GPBP1: variants seen among roughly 807,000 people sequenced by gnomAD.
The protein encoded by GPBP1 is vasculin.
Under a neutral mutation model 56.5 loss-of-function variants are expected in GPBP1, and 13 were observed. The observed-to-expected ratio is 0.23, with a 90% CI of 0.15 to 0.37. The LOEUF (loss-of-function observed/expected upper bound fraction) is 0.37, where lower values mean the gene tolerates loss of function less well. Among genes scored for constraint, GPBP1 ranks in the 10% least tolerant of loss-of-function variants. GPBP1 has a pLI of 1.00. For synonymous variants in GPBP1, 204 were observed against 188.9 expected (o/e 1.08, Z -0.66); for missense variants, 477 against 572.3 (o/e 0.83, Z 1.70).
intron 3 of GPBP1, among the ~76,000 whole-genome samples, chr5:57,219,477 A>T (rs1755859078): frequency 6.6e-6 from 1 of 151,772 alleles, no homozygotes; most frequent in South Asian, 2.1e-4. Context: ...ATTTAAAAAA[A>T]AAGGTACTTG....
At position 57,246,400 on chromosome 5, in the gene GPBP1, T is replaced by A. The variant is rs774882628; in HGVS notation, c.579T>A (p.Asn193Lys). The A allele has an allele frequency of 6.8e-6, 11 of 1,613,872 alleles. No individual in the cohort carries two copies. Among genetic ancestry groups the A allele is most frequent in the Non-Finnish European group, 9.3e-6 (11 of 1,179,902 alleles). The change falls in exon 7 of 12, where the codon AAT becomes AAA. Residue 193 changes from asparagine (N) to lysine (K), a missense_variant. Asn to Lys is a moderately conservative substitution (Grantham distance 94, BLOSUM62 0). Coordinates refer to ENST00000506184, the MANE Select transcript of GPBP1 (RefSeq NM_022913.4). ...TATCTGGATTCCCAGTAGTAGGAAA[T>A]CTTCCGTCACAGCCAGTTAAGAATG... ...LQLSGFPVVG[N>K]LPSQPVKNGT...
chr5:57,196,089 A>T (rs1048904619), intron 2 of GPBP1, among the ~76,000 whole-genome samples: 1 of 149,766 alleles, frequency 6.7e-6, no homozygotes, highest in Non-Finnish European at 1.5e-5. Flanking sequence ...TTCCTTTTCC[A>T]TATGATGGTT....
intron 3 of GPBP1, among the ~76,000 whole-genome samples, chr5:57,224,497 C>T (rs1756094346): frequency 6.6e-6 from 1 of 152,136 alleles, no homozygotes; most frequent in Non-Finnish European, 1.5e-5. Context: ...CCTGCCTCAG[C>T]CTCCCAAAGT....
intron 2 of GPBP1, among the ~76,000 whole-genome samples, chr5:57,182,006 G>C (rs1300225636): frequency 6.7e-6 from 1 of 148,282 alleles, no homozygotes; most frequent in African/African-American, 2.6e-5. Context: ...ATGTCATTTA[G>C]TTTCTTGGTC....
At chr5:57,243,693 T>C (rs1320869270) in intron 6 of GPBP1, among the ~76,000 whole-genome samples, 2 of 150,788 alleles carry the variant, frequency 1.3e-5, no homozygotes, top group Non-Finnish European at 2.9e-5. Flanking sequence ...TTCTGCTTCC[T>C]TGTTTTTGTT....
At chr5:57,242,088 A>C (rs540562608) in intron 6 of GPBP1, among the ~76,000 whole-genome samples, 96 of 152,306 alleles carry the variant, frequency 6.3e-4, no homozygotes, top group Non-Finnish European at 1.1e-3. Flanking sequence ...GTTTATGTCG[A>C]TTATTCAGAG....
chr5:57,181,005 A>G (rs1331869198), intron 2 of GPBP1, among the ~76,000 whole-genome samples: 1 of 152,220 alleles, frequency 6.6e-6, no homozygotes, highest in East Asian at 1.9e-4. Context: ...ACAAATTTAA[A>G]TATGGCTTTA....
chr5:57,232,094 T>A (rs1470736456), intron 5 of GPBP1, among the ~76,000 whole-genome samples: 1 of 152,110 alleles, frequency 6.6e-6, no homozygotes, highest in Non-Finnish European at 1.5e-5. Context: ...TCACTGCATC[T>A]TCAAACTTCT....
rs1304021937 is a variant in GPBP1 at position 57,236,017 on chromosome 5, G to A, written c.463G>A (p.Ala155Thr). 3 of 1,609,320 alleles carry A rather than the reference G, an allele frequency of 1.9e-6. No homozygotes were observed. The change falls in exon 6 of 12, where the codon GCT (alanine) becomes ACT (threonine). Residue 155 changes from alanine to threonine, a missense_variant. Physicochemically the swap from Ala to Thr is moderately conservative, Grantham distance 58 (BLOSUM62 0). Around this residue, in one of 2 missense-constraint regions of GPBP1, gnomAD observed 414 missense variants for 458.2 expected, o/e 0.90. Coordinates refer to ENST00000506184, the MANE Select transcript of GPBP1 (RefSeq NM_022913.4). ...EREPNHNKSL[A>T]AGVWEYPPNP... ...AGAACCAAATCACAATAAGTCTTTA[G>A]CTGCAGGTGTGTGGGGTAAGTAATT...
At chr5:57,199,341 A>T (rs1483743755) in intron 2 of GPBP1, among the ~76,000 whole-genome samples, 3 of 152,136 alleles carry the variant, frequency 2.0e-5, no homozygotes, top group Admixed American at 6.6e-5. Context: ...GGGACTAGAC[A>T]TTGGGATATA....
Position 57,175,347 on chromosome 5 carries a change from GA to G in GPBP1, c.-1010-99del, listed in dbSNP as rs1029100503. ...TTCCAGGCTCCTGTAGGGTTATATA[GA>G]AGTGATTTTCTCTCCAGAGGTTGAC... On this transcript the variant is annotated intron_variant, in intron 1 of 11. Transcript: ENST00000506184. 16 of 389,010 alleles carry G rather than the reference GA, an allele frequency of 4.1e-5. No individual in the cohort carries two copies. In the Admixed American group the frequency reaches 4.9e-4, roughly 12 times the overall value. The allele number at this position is 389,010 out of a possible 1,614,324, so 24.1% of individuals were successfully genotyped here.
In GPBP1 at chr5:57,214,101, G is replaced by A; in HGVS notation, c.-30G>A. The A allele has an allele frequency of 6.2e-7, 1 of 1,605,736 alleles. No individual in the cohort carries two copies. The highest frequency in any genetic ancestry group is 8.5e-7 in the Non-Finnish European group (1 of 1,172,388). On this transcript the variant is annotated 5_prime_UTR_variant, in exon 3 of 12. Transcript: ENST00000506184. ...ACTTGCCATGAGGTGTTGAAGCCTT[G>A]TTTCACTGAGTTGGAGAGACTGGAC... is the stretch of plus-strand genomic sequence containing the variant.
At chr5:57,208,492 C>T (rs1465949545) in intron 2 of GPBP1, among the ~76,000 whole-genome samples, 1 of 152,036 alleles carries the variant, frequency 6.6e-6, no homozygotes, top group African/African-American at 2.4e-5. Context: ...CTTGTCCTCC[C>T]ACAGTGCTGG....
At chr5:57,224,275 T>C (rs1756083103) in intron 3 of GPBP1, among the ~76,000 whole-genome samples, 1 of 150,444 alleles carries the variant, frequency 6.6e-6, no homozygotes, top group South Asian at 2.1e-4. Flanking sequence ...ACAAAGTTTC[T>C]CTTGTTGCCC....
At chr5:57,184,455 T>C (rs1754199052) in intron 2 of GPBP1, among the ~76,000 whole-genome samples, 1 of 151,988 alleles carries the variant, frequency 6.6e-6, no homozygotes, top group African/African-American at 2.4e-5. Context: ...GGAGCAGGCA[T>C]GTCACATGGC....
Position 57,249,415 on chromosome 5 carries a change from C to A in GPBP1, c.811C>A (p.Arg271Ser). 6.3e-7 allele frequency: 1 copy of A among 1,593,020 alleles called. No individual in the cohort carries two copies. Among genetic ancestry groups the A allele is most frequent in the Non-Finnish European group, 8.5e-7 (1 of 1,172,838 alleles). ...PSTNSVKECN[R>S]SNSSSPVDKL... ...TTTCTGAATTTCCTCTTAGTGTAAT[C>A]GCTCAAATTCCTCTTCTCCTGTTGA... The change falls in exon 9 of 12, where the codon CGC (arginine) becomes AGC (serine). Residue 271 changes from arginine (R) to serine (S), a missense_variant. By Grantham distance (110) the Arg-to-Ser change is moderately radical. Transcript: ENST00000506184.
intron 6 of GPBP1, 106 bp from the exon 7 acceptor site, chr5:57,246,194 A>T (rs752477968): frequency 1.5e-6 from 1 of 665,722 alleles, no homozygotes; most frequent in Non-Finnish European, 2.4e-6. Context: ...GGCAGCTGTT[A>T]GTTAAAAAAA....
chr5:57,183,458 G>T (rs529187338), intron 2 of GPBP1, among the ~76,000 whole-genome samples: 2 of 152,228 alleles, frequency 1.3e-5, no homozygotes, highest in South Asian at 4.1e-4. Flanking sequence ...CTTGGCTTGT[G>T]GCTCACGCCT....
At chr5:57,254,482 G>A (rs1433094967) in intron 10 of GPBP1, among the ~76,000 whole-genome samples, 1 of 152,036 alleles carries the variant, frequency 6.6e-6, no homozygotes, top group Non-Finnish European at 1.5e-5. Flanking sequence ...GTCACTTGAG[G>A]TCAGGAATTC....
Sources: allele counts gnomAD v4.1 joint callset (sites outside exome capture counted in the v4.1 genomes callset), GRCh38; gene constraint gnomAD v4.1.1; regional missense constraint gnomAD v4.1.1; transcripts MANE v1.5; gene names NCBI Gene and HGNC (gene_info 2026-07-23, HGNC 2026-07-21).